Variants in BNIP2 observed in about 807,000 individuals in gnomAD.
The protein encoded by BNIP2 is BCL2 interacting protein 2.
A neutral mutation model predicts 43.4 loss-of-function variants in BNIP2; 36 were observed. The ratio of observed to expected loss-of-function variants is 0.83; its 90% CI spans 0.64 to 1.10. The LOEUF is 1.10. Among genes scored for constraint, BNIP2 ranks in the 50% least tolerant of loss-of-function variants. BNIP2 has a pLI of 0.00. For synonymous variants in BNIP2, 146 were observed against 121.0 expected, an observed-to-expected ratio of 1.21 and a Z score of -1.35; for missense variants, 417 against 374.1, an observed-to-expected ratio of 1.11 and a Z score of -0.95.
intron 9 of BNIP2, 70 bp downstream of exon 9, chr15:59,668,821 TG>T: frequency 7.9e-7 from 1 of 1,273,326 alleles, no homozygotes; most frequent in Non-Finnish European, 1.1e-6. Flanking sequence ...GAATGAGTAT[TG>T]AAAAGTATTA....
In BNIP2 at chr15:59,689,293, C is replaced by A. The variant is rs762813524; in HGVS notation, c.-216G>T. 6 of 1,546,116 alleles carry A rather than the reference C, an allele frequency of 3.9e-6. No homozygotes were observed. The South Asian group carries it at 7.1e-5, about 18-fold the overall frequency. On this transcript the variant is annotated 5_prime_UTR_variant, in exon 1 of 10. Transcript: ENST00000607373. ...TCCCCCGGCCGCAGCGGTACGGCGT[C>A]GGCGGCAGCAGCTGACCCGGACACA...
chr15:59,683,813 G>A (rs1206032371), intron 1 of BNIP2, among the ~76,000 whole-genome samples: 2 of 152,178 alleles, frequency 1.3e-5, no homozygotes, highest in African/African-American at 4.8e-5. Flanking sequence ...AGCAAAACCA[G>A]TAGCAGAGGA....
intron 1 of BNIP2, among the ~76,000 whole-genome samples, chr15:59,687,168 T>C (rs1231023929): frequency 1.3e-5 from 2 of 152,202 alleles, no homozygotes; most frequent in Non-Finnish European, 2.9e-5. Flanking sequence ...CGGAACACAC[T>C]TGAAAATGCT....
At position 59,679,730 on chromosome 15, in the gene BNIP2, GTTTC is replaced by G; in HGVS notation, c.153_156del (p.Lys51AsnfsTer2). ...GTCAGGCTAATGTCTGGAGCCATTA[GTTTC>G]TTTCTCACTTTATTTCCATTAACTT... On this transcript the variant is annotated frameshift_variant, in exon 4 of 10. Coordinates refer to ENST00000607373, the MANE Select transcript of BNIP2 (RefSeq NM_004330.4). LOFTEE classifies it high-confidence loss of function. 1.3e-6 allele frequency: 2 copies of G among 1,566,692 alleles called. No homozygotes were observed. Among genetic ancestry groups the G allele is most frequent in the Non-Finnish European group, 1.7e-6 (2 of 1,163,408 alleles).
At chr15:59,678,662 T>G (rs1893461672) in intron 4 of BNIP2, 1 of 1,184,330 alleles carries the variant, frequency 8.4e-7, no homozygotes. Context: ...CACCAATGAT[T>G]AAGTGTAATT....
chr15:59,668,213 A>G, intron 9 of BNIP2: 1 of 934,850 alleles, frequency 1.1e-6, no homozygotes, highest in Non-Finnish European at 1.5e-6. Context: ...AGCTACTAAA[A>G]ATAAACTCAT....
At chr15:59,670,584 T>C (rs1892837154) in intron 7 of BNIP2, among the ~76,000 whole-genome samples, 1 of 152,200 alleles carries the variant, frequency 6.6e-6, no homozygotes, top group Admixed American at 6.5e-5. Flanking sequence ...AAATTGCATC[T>C]TATAAATAAG....
At chr15:59,680,764 T>A (rs1252799279) in intron 2 of BNIP2, among the ~76,000 whole-genome samples, 3 of 152,180 alleles carry the variant, frequency 2.0e-5, no homozygotes, top group Non-Finnish European at 2.9e-5. Flanking sequence ...CACACCAACA[T>A]GCCCAGCTAA....
In BNIP2 at chr15:59,678,061, C is replaced by G; in HGVS notation, c.322G>C (p.Glu108Gln). ...EDDLPKPKTT[E>Q]VIRKGSITEY... ...GTAATTGAGCCTTTCCTAATTACTT[C>G]AGTAGTCTTGGGTTTTGGAAGATCA... Residue 108 changes from glutamate (E) to glutamine (Q), a missense_variant, in exon 5 of 10, where the codon GAA becomes CAA. Transcript: ENST00000607373. 6.2e-7 allele frequency: 1 copy of G among 1,609,970 alleles called. No individual in the cohort carries two copies. Among genetic ancestry groups the G allele is most frequent in the East Asian group, 2.2e-5 (1 of 44,846 alleles).
At position 59,668,893 on chromosome 15, in the gene BNIP2, G is replaced by C. The variant is rs1340686352; in HGVS notation, c.892C>G (p.Gln298Glu). The C allele has an allele frequency of 1.2e-6, 2 of 1,610,900 alleles. No individual in the cohort carries two copies. The highest frequency in any genetic ancestry group is 1.1e-5 in the South Asian group (1 of 90,802). The change falls in exon 9 of 10, where the codon CAA (glutamine) becomes GAA (glutamate). Residue 298 changes from glutamine (Q) to glutamate (E), a missense_variant and splice_region_variant. Transcript: ENST00000607373. ...EYVGIPECIKQVDQELNGKQD... is the reference protein window; with the variant it reads ...EYVGIPECIKEVDQELNGKQD... ...TTAAGGAAATAAAACAAAACATACT[G>C]TTTTATGCATTCTGGTATGCCAACG...
intron 1 of BNIP2, among the ~76,000 whole-genome samples, chr15:59,683,067 T>G (rs754207074): frequency 6.6e-6 from 1 of 152,274 alleles, no homozygotes; most frequent in Non-Finnish European, 1.5e-5. Flanking sequence ...AAATGAATTA[T>G]GCAATCTTTT....
At chr15:59,685,822 C>A (rs542881501) in intron 1 of BNIP2, among the ~76,000 whole-genome samples, 56 of 152,254 alleles carry the variant, frequency 3.7e-4, no homozygotes, top group Non-Finnish European at 6.3e-4. Context: ...ACTTTATCAT[C>A]AAACAGCTGT....
At chr15:59,679,057 A>T (rs775349167) in intron 4 of BNIP2, among the ~76,000 whole-genome samples, 6 of 152,250 alleles carry the variant, frequency 3.9e-5, no homozygotes, top group African/African-American at 7.2e-5. Context: ...AAAAATATGT[A>T]AAAATTATAA....
intron 3 of BNIP2, 38 bp from the exon 4 acceptor site, chr15:59,679,806 G>A (rs1893543819): frequency 1.4e-6 from 2 of 1,428,356 alleles, no homozygotes; most frequent in East Asian, 5.2e-5. Context: ...ACGTAACAAG[G>A]AATGCTTAGA....
intron 1 of BNIP2, among the ~76,000 whole-genome samples, chr15:59,685,043 T>C (rs1252573153): frequency 6.6e-6 from 1 of 152,206 alleles, no homozygotes; most frequent in African/African-American, 2.4e-5. Flanking sequence ...CCCATAAAAA[T>C]GTAACAAAAA....
chr15:59,659,875 A>AG lies in BNIP2; in HGVS notation c.*4193_*4194insC, dbSNP rs1279810513. 6.6e-6 allele frequency: 1 copy of AG among 152,202 alleles called. No individual in the cohort carries two copies. The highest frequency in any genetic ancestry group is 2.4e-5 in the African/African-American group (1 of 41,454). 9.4% of individuals were successfully genotyped at this position (152,202 alleles called of 1,614,324 possible). A position where few individuals can be genotyped will look rare whatever the true frequency, so the allele number is the denominator to read the frequency against. ...TAGGTCTATTATAAATAGTTGCAAC[A>AG]TACTGTTATATTCAAATTTTAGTGT... On this transcript the variant is annotated 3_prime_UTR_variant, in exon 10 of 10. Transcript: ENST00000607373.
chr15:59,688,828 G>A (rs750285771), intron 1 of BNIP2: 1 of 1,532,356 alleles, frequency 6.5e-7, no homozygotes, highest in Non-Finnish European at 8.7e-7. Context: ...CAGGGTAAAA[G>A]GGTGGGGGAG....
rs1462988624 is a variant in BNIP2 at position 59,659,392 on chromosome 15, A to G, written c.*4677T>C. On this transcript the variant is annotated 3_prime_UTR_variant, in exon 10 of 10. Transcript: ENST00000607373. ...TAAGAGTAGGAAAATATCACAGTAC[A>G]TTAATTTTGTCTAAATGACAGCAAT... 2.0e-5 allele frequency: 3 copies of G among 152,224 alleles called. No homozygotes were observed. Among genetic ancestry groups the G allele is most frequent in the African/African-American group, 7.2e-5 (3 of 41,456 alleles). The allele number at this position is 152,224 out of a possible 1,614,324, so 9.4% of individuals were successfully genotyped here. A position where few individuals can be genotyped will look rare whatever the true frequency, so the allele number is the denominator to read the frequency against.
In BNIP2 at chr15:59,689,199, G is replaced by T; in HGVS notation, c.-122C>A. 1.3e-6 allele frequency: 2 copies of T among 1,539,762 alleles called. No individual in the cohort carries two copies. Among genetic ancestry groups the T allele is most frequent in the Non-Finnish European group, 1.7e-6 (2 of 1,146,476 alleles). ...CCAGGCCGGCGACGTGGGGCTGACG[G>T]CCAGGTCGCAAAAAGCAGGGCCGAG... On this transcript the variant is annotated 5_prime_UTR_variant, in exon 1 of 10. Coordinates refer to ENST00000607373, the MANE Select transcript of BNIP2 (RefSeq NM_004330.4).
Sources: gnomAD v4.1 joint callset for allele counts (sites outside exome capture counted in the v4.1 genomes callset) on GRCh38, gnomAD v4.1.1 for gene constraint, MANE v1.5 for transcripts, NCBI Gene and HGNC (gene_info 2026-07-23, HGNC 2026-07-21) for gene names.